Variants in NTN1 observed in about 807,000 individuals in gnomAD.
The protein encoded by NTN1 is netrin 1.
Under a neutral mutation model 54.2 loss-of-function variants are expected in NTN1, and 11 were observed. The ratio of observed to expected loss-of-function variants is 0.20; its 90% CI spans 0.13 to 0.34. NTN1 has a LOEUF of 0.34. NTN1 is among the 10% of genes least tolerant of loss of function. The pLI is 1.00. For missense variants in NTN1, 740 were observed against 893.1 expected (o/e 0.83, Z 2.18); for synonymous variants, 371 against 382.0 (o/e 0.97, Z 0.33).
At chr17:9,030,434 T>C (rs1361154966) in intron 2 of NTN1, among the ~76,000 whole-genome samples, 1 of 152,206 alleles carries the variant, frequency 6.6e-6, no homozygotes, top group Non-Finnish European at 1.5e-5. Flanking sequence ...TTGGTGCATG[T>C]GAAGAAGACC....
chr17:9,022,167 G>A (rs1023572641), intron 1 of NTN1, 144 bp from the exon 2 acceptor site: 2 of 512,976 alleles, frequency 3.9e-6, no homozygotes, highest in Admixed American at 4.5e-5. Context: ...CCGCCCGCGG[G>A]ACTTTGGGGG....
chr17:9,028,787 AC>A (rs2091879617), intron 2 of NTN1, among the ~76,000 whole-genome samples: 1 of 152,160 alleles, frequency 6.6e-6, no homozygotes, highest in Non-Finnish European at 1.5e-5. Context: ...TCAAATGTCC[AC>A]TGGATTGTTA....
the NTN1 span, among the ~76,000 whole-genome samples, chr17:9,006,137 A>G: frequency 2.8e-5 from 4 of 143,554 alleles, no homozygotes; most frequent in Non-Finnish European, 6.1e-5. Context: ...GGAAAAGTGG[A>G]AGAAAGTGGG....
intron 5 of NTN1, among the ~76,000 whole-genome samples, chr17:9,197,568 G>A (rs887580874): frequency 1.3e-5 from 2 of 150,864 alleles, no homozygotes; most frequent in African/African-American, 2.4e-5. Context: ...GCTGAGGCAC[G>A]AGAAACACTT....
intron 2 of NTN1, among the ~76,000 whole-genome samples, chr17:9,106,467 CCCTTCCTTCCTTCCTTCCTT>C (rs200226901): frequency 0.37 from 44,760 of 119,650 alleles, 9,110 homozygotes; most frequent in East Asian, 0.65. Flanking sequence ...CTTCCTTCCT[CCCTTCCTTCCTTCCTTCCTT>C]CCTTCCTTCC....
intron 5 of NTN1, among the ~76,000 whole-genome samples, chr17:9,218,889 T>G: frequency 1.4e-5 from 2 of 147,164 alleles, no homozygotes; most frequent in Non-Finnish European, 3.0e-5. Context: ...GAAATGAAAG[T>G]GCTGGTGTGG....
chr17:9,188,280 T>C (rs1324412483), intron 5 of NTN1, among the ~76,000 whole-genome samples: 1 of 151,922 alleles, frequency 6.6e-6, no homozygotes, highest in Non-Finnish European at 1.5e-5. Flanking sequence ...AGTACAAAAT[T>C]AGCTGGATGT....
intron 4 of NTN1, among the ~76,000 whole-genome samples, chr17:9,180,597 A>C (rs2092415957): frequency 6.6e-6 from 1 of 152,142 alleles, no homozygotes; most frequent in Non-Finnish European, 1.5e-5. Flanking sequence ...CCATTCCAGG[A>C]GTGCTGTTGT....
At chr17:9,188,296 T>C (rs1904339581) in intron 5 of NTN1, among the ~76,000 whole-genome samples, 1 of 151,948 alleles carries the variant, frequency 6.6e-6, no homozygotes, top group Non-Finnish European at 1.5e-5. Flanking sequence ...GATGTGGTGG[T>C]GCATGCCTAT....
intron 5 of NTN1, among the ~76,000 whole-genome samples, chr17:9,217,352 C>T (rs544445120): frequency 6.6e-6 from 1 of 152,182 alleles, no homozygotes; most frequent in African/African-American, 2.4e-5. Context: ...TCATCAGTTT[C>T]GTTTTTGGCA....
chr17:9,077,888 T>C (rs2092056650), intron 2 of NTN1, among the ~76,000 whole-genome samples: 1 of 152,186 alleles, frequency 6.6e-6, no homozygotes, highest in Admixed American at 6.5e-5. Flanking sequence ...TGGAGGCTTA[T>C]GGGGGTCCTG....
intron 2 of NTN1, among the ~76,000 whole-genome samples, chr17:9,136,846 G>A (rs750364032): frequency 9.2e-5 from 14 of 152,244 alleles, no homozygotes; most frequent in Admixed American, 2.6e-4. Context: ...CTTCGCAGTC[G>A]GAGCCTGTTC....
At chr17:9,153,468 G>A (rs1324953270) in intron 2 of NTN1, among the ~76,000 whole-genome samples, 1 of 152,070 alleles carries the variant, frequency 6.6e-6, no homozygotes, top group Non-Finnish European at 1.5e-5. Context: ...AGAAACTCTG[G>A]GGGTTGACTC....
At chr17:9,225,827 A>C (rs533759252) in intron 6 of NTN1, among the ~76,000 whole-genome samples, 3 of 152,318 alleles carry the variant, frequency 2.0e-5, no homozygotes, top group Admixed American at 2.0e-4. Flanking sequence ...CACCCAGGGC[A>C]CTTGGATGTT....
intron 2 of NTN1, among the ~76,000 whole-genome samples, chr17:9,099,583 C>T (rs1260138563): frequency 6.6e-6 from 1 of 152,028 alleles, no homozygotes; most frequent in Non-Finnish European, 1.5e-5. Flanking sequence ...AAAAATTCTA[C>T]AATGAACATC....
intron 6 of NTN1, among the ~76,000 whole-genome samples, chr17:9,234,511 C>A (rs948194584): frequency 2.6e-5 from 4 of 152,252 alleles, no homozygotes; most frequent in Admixed American, 6.5e-5. Flanking sequence ...AGGCACCCGC[C>A]TCCTCCCCAT....
At chr17:9,040,314 A>C (rs1279012922) in intron 2 of NTN1, among the ~76,000 whole-genome samples, 1 of 152,196 alleles carries the variant, frequency 6.6e-6, no homozygotes, top group Non-Finnish European at 1.5e-5. Flanking sequence ...TTATATTAGC[A>C]TCACACATTT....
At chr17:9,177,352 C>T (rs2092402915) in intron 3 of NTN1, 1 of 152,248 alleles carries the variant, frequency 6.6e-6, no homozygotes, top group Non-Finnish European at 1.5e-5. Flanking sequence ...CCTGACTCCA[C>T]CCAGAGTCTG....
chr17:9,206,324 A>C (rs1048716391), intron 5 of NTN1, among the ~76,000 whole-genome samples: 2 of 152,204 alleles, frequency 1.3e-5, no homozygotes, highest in African/African-American at 2.4e-5. Context: ...TTGTTCAGCA[A>C]AAAGAAAGAG....
Sources: gnomAD v4.1 joint callset for allele counts (sites outside exome capture counted in the v4.1 genomes callset) on GRCh38, gnomAD v4.1.1 for gene constraint, MANE v1.5 for transcripts, NCBI Gene and HGNC (gene_info 2026-07-23, HGNC 2026-07-21) for gene names.